The following ERC2 variants were observed in gnomAD, a reference collection of about 807,000 sequenced individuals.
ERC2 encodes ERC protein 2.
A neutral mutation model predicts 114.8 loss-of-function variants in ERC2; 42 were observed. The ratio of observed to expected loss-of-function variants is 0.37; its 90% CI spans 0.29 to 0.47. The LOEUF is 0.47. ERC2 is among the 20% of genes least tolerant of loss of function. The pLI is 0.99. For synonymous variants in ERC2, 454 were observed against 425.5 expected, an observed-to-expected ratio of 1.07 and a Z score of -0.82; for missense variants, 939 against 1,150.7, an observed-to-expected ratio of 0.82 and a Z score of 2.66.
At chr3:56,389,912 C>G (rs1402297476) in intron 2 of ERC2, among the ~76,000 whole-genome samples, 1 of 152,158 alleles carries the variant, frequency 6.6e-6, no homozygotes, top group Non-Finnish European at 1.5e-5. Context: ...CTATATAAAT[C>G]TAACTTCACA....
chr3:55,598,314 G>C (rs1433499838), intron 17 of ERC2, among the ~76,000 whole-genome samples: 1 of 152,146 alleles, frequency 6.6e-6, no homozygotes, highest in African/African-American at 2.4e-5. Context: ...TCAGCTGTGT[G>C]GCCATATTAT....
intron 14 of ERC2, among the ~76,000 whole-genome samples, chr3:55,864,128 C>G (rs1412046464): frequency 8.7e-6 from 1 of 115,264 alleles, no homozygotes; most frequent in East Asian, 2.2e-4. Context: ...TACACACACA[C>G]ATATATATAT....
intron 13 of ERC2, among the ~76,000 whole-genome samples, chr3:55,942,278 T>C (rs2066850182): frequency 9.3e-6 from 1 of 107,142 alleles, no homozygotes; most frequent in African/African-American, 4.1e-5. Flanking sequence ...TTTTTTTTTT[T>C]TTTTTTTTTT....
Position 56,324,251 on chromosome 3 carries a change from A to T in ERC2, c.658-27816T>A, listed in dbSNP as rs148981043. On this transcript the variant is annotated intron_variant, in intron 2 of 17. Transcript: ENST00000288221. ...GTTGTGACAGAGGGAGCTGGCTTTA[A>T]ATTTATCAGGATCCCTCCCTTCCCA... 2.6e-3 allele frequency among the ~76,000 whole-genome samples: 403 copies of T among 152,282 alleles called. 4 individuals are homozygous for T. Among genetic ancestry groups the T allele is most frequent in the African/African-American group, 9.1e-3 (378 of 41,558 alleles).
intron 13 of ERC2, among the ~76,000 whole-genome samples, chr3:55,916,524 C>A (rs2065103533): frequency 6.6e-6 from 1 of 152,140 alleles, no homozygotes; most frequent in Admixed American, 6.5e-5. Flanking sequence ...AGTATAGTAT[C>A]ATCAAAAGTT....
intron 14 of ERC2, among the ~76,000 whole-genome samples, chr3:55,767,288 T>C (rs1384206117): frequency 6.6e-6 from 1 of 152,192 alleles, no homozygotes; most frequent in African/African-American, 2.4e-5. Flanking sequence ...GGGTGCCAGC[T>C]TCCAAGTCAC....
chr3:55,628,325 G>A (rs2059607904), intron 17 of ERC2, among the ~76,000 whole-genome samples: 4 of 94,950 alleles, frequency 4.2e-5, no homozygotes, highest in Non-Finnish European at 8.4e-5. Flanking sequence ...CTTGAAATAT[G>A]ACTAGTGTGA....
chr3:56,358,999 T>C (rs907686517), intron 2 of ERC2, among the ~76,000 whole-genome samples: 1 of 152,210 alleles, frequency 6.6e-6, no homozygotes, highest in African/African-American at 2.4e-5. Context: ...AATCACTGGG[T>C]AGGGTAGATG....
chr3:56,035,704 A>G, intron 7 of ERC2, among the ~76,000 whole-genome samples: 1 of 152,236 alleles, frequency 6.6e-6, no homozygotes, highest in East Asian at 1.9e-4. Context: ...ATAATGGAGC[A>G]GAGAGCTGCC....
intron 14 of ERC2, among the ~76,000 whole-genome samples, chr3:55,751,923 A>G (rs2148969214): frequency 6.6e-6 from 1 of 152,304 alleles, no homozygotes; most frequent in South Asian, 2.1e-4. Flanking sequence ...CAAAAAGAGG[A>G]AGTGTTAGAG....
chr3:55,916,510 C>T lies in ERC2; in HGVS notation c.2404-27961G>A, dbSNP rs6795650. 6.4e-3 allele frequency among the ~76,000 whole-genome samples: 981 copies of T among 152,254 alleles called. 4 individuals are homozygous for T. Among genetic ancestry groups the T allele is most frequent in the African/African-American group, 0.023 (942 of 41,544 alleles). ...GCTTCTTCGTTAATAATCACATGTGCGCTAGTATAGTATCATCAAAAGTTA... is the reference window on the plus strand; with the variant it reads ...GCTTCTTCGTTAATAATCACATGTGTGCTAGTATAGTATCATCAAAAGTTA... On this transcript the variant is annotated intron_variant, in intron 13 of 17. Transcript: ENST00000288221.
chr3:56,357,718 C>T (rs78212086), intron 2 of ERC2, among the ~76,000 whole-genome samples: 2,864 of 150,476 alleles, frequency 0.019, 101 homozygotes, highest in African/African-American at 0.067. Context: ...CATTGCAAAA[C>T]GCCTGATTTC....
intron 3 of ERC2, among the ~76,000 whole-genome samples, chr3:56,201,111 G>A (rs1317338931): frequency 6.6e-6 from 1 of 152,002 alleles, no homozygotes; most frequent in East Asian, 1.9e-4. Flanking sequence ...ACTTTCTTCA[G>A]TCCTTCTGCC....
At chr3:56,287,540 T>C (rs886283937) in intron 3 of ERC2, among the ~76,000 whole-genome samples, 7 of 152,234 alleles carry the variant, frequency 4.6e-5, no homozygotes, top group African/African-American at 1.4e-4. Flanking sequence ...CACGGATTTA[T>C]AGTCCCCAAT....
chr3:56,370,595 GTTTT>G (rs71621814), intron 2 of ERC2, among the ~76,000 whole-genome samples: 1 of 124,052 alleles, frequency 8.1e-6, no homozygotes. Context: ...GGGTTTTTTT[GTTTT>G]TTTTTTTTTT....
intron 3 of ERC2, among the ~76,000 whole-genome samples, chr3:56,198,471 G>A (rs548065407): frequency 2.6e-5 from 4 of 152,244 alleles, no homozygotes; most frequent in African/African-American, 4.8e-5. Context: ...AGGAGACTGC[G>A]GCCTGAGCTA....
chr3:56,251,217 C>T (rs1403125336), intron 3 of ERC2, among the ~76,000 whole-genome samples: 3 of 152,162 alleles, frequency 2.0e-5, no homozygotes, highest in Admixed American at 6.5e-5. Flanking sequence ...AGTTGATCAA[C>T]AGAACAACCC....
rs1440265550 is a variant in ERC2 at position 55,997,895 on chromosome 3, TTTTTTTTTTTTTGTG to T, written c.2062-5660_2062-5646del. ...TCTTAATTCTGTTTTTTTTTTTTTTTTTTTTTTTTTTTGTGTGTGTGTGTGTGTTTTTTGTTTTTT... is the reference window on the plus strand; with the variant it reads ...TCTTAATTCTGTTTTTTTTTTTTTTTTGTGTGTGTGTGTTTTTTGTTTTTT... On this transcript the variant is annotated intron_variant, in intron 10 of 17. Coordinates refer to ENST00000288221, the MANE Select transcript of ERC2 (RefSeq NM_015576.3). Among the ~76,000 whole-genome samples the T allele has an allele frequency of 4.1e-4, 22 of 53,914 alleles. 1 individual carries two copies. The highest frequency in any genetic ancestry group is 1.3e-3 in the African/African-American group (22 of 16,968). The allele number at this position is 53,914 out of a possible 152,430, so 35.4% of individuals were successfully genotyped here.
intron 2 of ERC2, among the ~76,000 whole-genome samples, chr3:56,405,844 T>C (rs1412750701): frequency 1.3e-5 from 2 of 152,070 alleles, no homozygotes; most frequent in Admixed American, 6.5e-5. Flanking sequence ...GAACATGTAA[T>C]TGCTAGAAGA....
Sources: allele counts gnomAD v4.1 joint callset (sites outside exome capture counted in the v4.1 genomes callset), GRCh38; gene constraint gnomAD v4.1.1; transcripts MANE v1.5; gene names NCBI Gene and HGNC (gene_info 2026-07-23, HGNC 2026-07-21).